The following CORO2B variants were observed in gnomAD, a reference collection of about 807,000 sequenced individuals.
CORO2B encodes the protein coronin 2B.
A neutral mutation model predicts 58.8 loss-of-function variants in CORO2B; 26 were observed. That is an observed-to-expected ratio of 0.44 (90% CI 0.32 to 0.61). The LOEUF (loss-of-function observed/expected upper bound fraction) is 0.61. Among genes scored for constraint, CORO2B ranks in the 20% least tolerant of loss-of-function variants. CORO2B has a pLI of 0.04. For missense variants in CORO2B, 460 were observed against 645.1 expected (o/e 0.71, Z 3.11); for synonymous variants, 242 against 253.8 (o/e 0.95, Z 0.44).
At chr15:68,704,816 G>C (rs1201923501) in intron 3 of CORO2B, among the ~76,000 whole-genome samples, 2 of 152,178 alleles carry the variant, frequency 1.3e-5, no homozygotes, top group Non-Finnish European at 2.9e-5. Flanking sequence ...CAGCAAGGCA[G>C]GCTTGCTGGA....
At chr15:68,699,697 C>T (rs1182402000) in intron 3 of CORO2B, among the ~76,000 whole-genome samples, 1 of 152,186 alleles carries the variant, frequency 6.6e-6, no homozygotes, top group Non-Finnish European at 1.5e-5. Context: ...CAACAGGTTC[C>T]TGAGGCTGGA....
intron 1 of CORO2B, among the ~76,000 whole-genome samples, chr15:68,610,178 C>G (rs1900214442): frequency 6.6e-6 from 1 of 152,178 alleles, no homozygotes; most frequent in Non-Finnish European, 1.5e-5. Context: ...CCCTGCAGCC[C>G]TCTGGTTCCA....
At position 68,707,106 on chromosome 15, in the gene CORO2B, G is replaced by A. The variant is rs1033627614; in HGVS notation, c.334-3626G>A. 5.9e-5 allele frequency among the ~76,000 whole-genome samples: 9 copies of A among 152,194 alleles called. No individual in the cohort carries two copies. The East Asian group carries it at 7.7e-4, about 13-fold the overall frequency. ...CTCCTGAGTAGCTGGGATTACAAGC[G>A]CGCGCCACCACGCCCAGCTGCCGCC... On this transcript the variant is annotated intron_variant, in intron 3 of 11. Coordinates refer to ENST00000261861, the MANE Select transcript of CORO2B (RefSeq NM_006091.5).
chr15:68,587,519 C>T (rs1167963691), intron 1 of CORO2B, among the ~76,000 whole-genome samples: 1 of 152,112 alleles, frequency 6.6e-6, no homozygotes, highest in Non-Finnish European at 1.5e-5. Flanking sequence ...CACAATGATT[C>T]CTAATTTTAA....
chr15:68,658,618 C>T (rs1465263144), intron 2 of CORO2B, among the ~76,000 whole-genome samples: 2 of 152,242 alleles, frequency 1.3e-5, no homozygotes, highest in African/African-American at 4.8e-5. Flanking sequence ...ACCCGAGCTG[C>T]TTAATGGCTC....
At chr15:68,535,262 C>T in the CORO2B span, among the ~76,000 whole-genome samples, 2 of 152,206 alleles carry the variant, frequency 1.3e-5, no homozygotes, top group Non-Finnish European at 2.9e-5. Flanking sequence ...CTATGTTCTG[C>T]CTCAACGCTG....
At chr15:68,656,435 G>A (rs1259745357) in intron 2 of CORO2B, among the ~76,000 whole-genome samples, 2 of 152,028 alleles carry the variant, frequency 1.3e-5, no homozygotes, top group Non-Finnish European at 2.9e-5. Flanking sequence ...AGGTATGGAG[G>A]GGTAGTGCTT....
intron 1 of CORO2B, among the ~76,000 whole-genome samples, chr15:68,608,049 T>C (rs985170820): frequency 2.0e-5 from 3 of 152,184 alleles, no homozygotes; most frequent in Non-Finnish European, 2.9e-5. Context: ...AGACCACAGC[T>C]TTGCAGAGGC....
intron 1 of CORO2B, among the ~76,000 whole-genome samples, chr15:68,637,703 C>G (rs1323976389): frequency 6.6e-6 from 1 of 151,614 alleles, no homozygotes; most frequent in Non-Finnish European, 1.5e-5. Context: ...ATGGGCTGCC[C>G]CATGGGAGCT....
chr15:68,658,351 G>A (rs926489458), intron 2 of CORO2B, among the ~76,000 whole-genome samples: 6 of 152,246 alleles, frequency 3.9e-5, no homozygotes, highest in Admixed American at 1.3e-4. Context: ...AGCTGGGTGA[G>A]CCTGGCTGGG....
At chr15:68,649,575 G>A (rs892398102) in intron 2 of CORO2B, among the ~76,000 whole-genome samples, 2 of 152,016 alleles carry the variant, frequency 1.3e-5, no homozygotes, top group African/African-American at 4.8e-5. Context: ...TGATTATTGA[G>A]GATCCCAAAG....
At chr15:68,658,088 G>A (rs1046765556) in intron 2 of CORO2B, among the ~76,000 whole-genome samples, 31 of 152,320 alleles carry the variant, frequency 2.0e-4, no homozygotes, top group African/African-American at 7.5e-4. Flanking sequence ...AACCTTGGGT[G>A]AGTTCCTTTG....
chr15:68,718,393 C>A (rs1893081055), intron 8 of CORO2B, among the ~76,000 whole-genome samples: 2 of 152,262 alleles, frequency 1.3e-5, no homozygotes, highest in African/African-American at 4.8e-5. Context: ...CCTCTCTGGA[C>A]CCTCATCTAG....
At chr15:68,717,019 G>A (rs973352112) in intron 8 of CORO2B, among the ~76,000 whole-genome samples, 2 of 152,122 alleles carry the variant, frequency 1.3e-5, no homozygotes, top group Admixed American at 1.3e-4. Flanking sequence ...AGATTGCTCT[G>A]GCAGCCAGGT....
chr15:68,660,037 G>A (rs1901964133), intron 2 of CORO2B, among the ~76,000 whole-genome samples: 1 of 152,210 alleles, frequency 6.6e-6, no homozygotes, highest in African/African-American at 2.4e-5. Context: ...GAAGACAAGA[G>A]AGGCAGGCAG....
intron 1 of CORO2B, among the ~76,000 whole-genome samples, chr15:68,605,210 T>G (rs1315077068): frequency 6.6e-6 from 1 of 152,096 alleles, no homozygotes; most frequent in Non-Finnish European, 1.5e-5. Context: ...CGTCCAAAGT[T>G]GTATAAGCCA....
At chr15:68,528,526 T>C in the CORO2B span, among the ~76,000 whole-genome samples, 1 of 152,184 alleles carries the variant, frequency 6.6e-6, no homozygotes, top group African/African-American at 2.4e-5. Context: ...TAAAATATTG[T>C]TAATTCTATT....
In CORO2B at chr15:68,719,155, C is replaced by T. The variant is rs1324182555; in HGVS notation, c.1092C>T (p.Tyr364=). 6.2e-7 allele frequency: 1 copy of T among 1,613,858 alleles called. No individual in the cohort carries two copies. Among genetic ancestry groups the T allele is most frequent in the Non-Finnish European group, 8.5e-7 (1 of 1,179,756 alleles). Residue 364 remains tyrosine, a synonymous_variant, in exon 10 of 12, where the codon TAC becomes TAT. Transcript: ENST00000261861. ...SMIVPRRSDS[Y]QEDIYPMTPG... Reference sequence around the variant, plus strand: ...TCCTCCCACTGTAGTCAGATTCCTACCAGGAAGACATTTACCCAATGACAC... The same window carrying T: ...TCCTCCCACTGTAGTCAGATTCCTATCAGGAAGACATTTACCCAATGACAC...
At chr15:68,636,691 A>G (rs1379058862) in intron 1 of CORO2B, among the ~76,000 whole-genome samples, 3 of 152,250 alleles carry the variant, frequency 2.0e-5, no homozygotes, top group Non-Finnish European at 4.4e-5. Context: ...GAGTGACTCC[A>G]GATCATGGCC....
Sources: allele counts gnomAD v4.1 joint callset (sites outside exome capture counted in the v4.1 genomes callset), GRCh38; gene constraint gnomAD v4.1.1; transcripts MANE v1.5; gene names NCBI Gene and HGNC (gene_info 2026-07-23, HGNC 2026-07-21).